The following DYNC2H1 variants were observed in gnomAD, a reference collection of about 807,000 sequenced individuals.
The protein encoded by DYNC2H1 is cytoplasmic dynein 2 heavy chain 1.
A neutral mutation model predicts 570.0 loss-of-function variants in DYNC2H1; 410 were observed. That is an observed-to-expected ratio of 0.72 (90% confidence interval 0.66 to 0.78). The LOEUF (loss-of-function observed/expected upper bound fraction) is 0.78, where lower values mean the gene tolerates loss of function less well. Among genes scored for constraint, DYNC2H1 ranks in the 30% least tolerant of loss-of-function variants. The pLI is 0.00. For missense variants in DYNC2H1, 4,865 were observed against 5,046.4 expected, an observed-to-expected ratio of 0.96 and a Z score of 1.09; for synonymous variants, 1,688 against 1,677.6, an observed-to-expected ratio of 1.01 and a Z score of -0.15.
chr11:103,213,173 G>A (rs539969745), intron 54 of DYNC2H1, among the ~76,000 whole-genome samples: 241 of 152,180 alleles, frequency 1.6e-3, no homozygotes, highest in Non-Finnish European at 2.6e-3. Context: ...CAAAATGCAG[G>A]TAAGGCAAGT....
Position 103,219,962 on chromosome 11 carries a change from AG to A in DYNC2H1, c.8881del (p.Ala2961GlnfsTer18). The A allele has an allele frequency of 1.3e-6, 2 of 1,513,640 alleles. No individual in the cohort carries two copies. Among genetic ancestry groups the A allele is most frequent in the African/African-American group, 2.9e-5 (2 of 68,602 alleles). 93.8% of individuals were successfully genotyped at this position (1,513,640 alleles called of 1,614,324 possible). A position where few individuals can be genotyped will look rare whatever the true frequency, so the allele number is the denominator to read the frequency against. On this transcript the variant is annotated frameshift_variant, in exon 56 of 89. Coordinates refer to ENST00000375735, the MANE Select transcript of DYNC2H1 (RefSeq NM_001377.3). LOFTEE classifies it high-confidence loss of function. The part of the protein sequence containing the change: ...TELERLKHRI[A>X]EEVVKIEERK... Reference sequence around the variant, plus strand: ...AACTTGAAAGACTGAAGCACAGAATAGCAGAAGAAGTTGTTAAAATTGAAGA... The same window carrying A: ...AACTTGAAAGACTGAAGCACAGAATACAGAAGAAGTTGTTAAAATTGAAGA...
rs573406507 is a variant in DYNC2H1 at position 103,399,828 on chromosome 11, A to G, written c.12322A>G (p.Ser4108Gly). 1.4e-5 allele frequency: 22 copies of G among 1,613,888 alleles called. No individual in the cohort carries two copies. The South Asian group carries it at 1.9e-4, about 14-fold the overall frequency. ...SKVIRGTTLL[S>G]SEVQKLASAL... The stretch of plus-strand genomic sequence containing the variant: ...AGTCATCAGAGGAACTACTTTACTG[A>G]GTTCAGAAGTACAAAAATTGGCAAG... The change falls in exon 84 of 89, where the codon AGT becomes GGT. Residue 4108 changes from serine (S) to glycine (G), a missense_variant. Ser to Gly is a moderately conservative substitution (Grantham distance 56). This residue lies in a region of DYNC2H1 where 2,401 missense variants were observed against 2,454.6 expected (regional missense o/e 0.98). Transcript: ENST00000375735.
chr11:103,121,523 G>A (rs1278926247), intron 10 of DYNC2H1, 27 bp downstream of exon 10: 1 of 1,601,318 alleles, frequency 6.2e-7, no homozygotes, highest in Non-Finnish European at 8.5e-7. Context: ...AAGATGAAGA[G>A]TACTAATTAT....
rs1368517131 is a variant in DYNC2H1 at position 103,211,830 on chromosome 11, T to A, written c.8581T>A (p.Ser2861Thr). Residue 2861 changes from serine (S) to threonine (T), a missense_variant, in exon 54 of 89, where the codon TCT (serine) becomes ACT (threonine). Around this residue, in one of 5 missense-constraint regions of DYNC2H1, gnomAD observed 2,401 missense variants for 2,454.6 expected, o/e 0.98. Transcript: ENST00000375735. ...AAAATCATTTTTATTAATCCATGAA[T>A]CTTGTAAAGCATATGGTGCTACACC... ...FLKSFLLIHE[S>T]CKAYGATPSR... The A allele has an allele frequency of 7.0e-7, 1 of 1,429,736 alleles. No individual in the cohort carries two copies. Among genetic ancestry groups the A allele is most frequent in the Non-Finnish European group, 9.2e-7 (1 of 1,087,584 alleles). 88.6% of individuals were successfully genotyped at this position (1,429,736 alleles called of 1,614,324 possible). A position where few individuals can be genotyped will look rare whatever the true frequency, so the allele number is the denominator to read the frequency against.
intron 59 of DYNC2H1, among the ~76,000 whole-genome samples, chr11:103,224,306 G>C (rs185615622): frequency 1.3e-5 from 2 of 151,970 alleles, no homozygotes; most frequent in Admixed American, 1.3e-4. Context: ...TTGGTTACAT[G>C]AATGAAATCT....
In DYNC2H1 at chr11:103,479,257, C is replaced by G. The variant is rs1330497401; in HGVS notation, c.*4C>G. 3.7e-6 allele frequency: 6 copies of G among 1,606,288 alleles called. No individual in the cohort carries two copies. Among genetic ancestry groups the G allele is most frequent in the Admixed American group, 3.4e-5 (2 of 59,266 alleles). On this transcript the variant is annotated 3_prime_UTR_variant, in exon 89 of 89. Transcript: ENST00000375735. Reference sequence around the variant, plus strand: ...TCTATTCCTAAAAAATCAGTAGAATCTAATGACAACAAAAGCCATCTTCAC... The same window carrying G: ...TCTATTCCTAAAAAATCAGTAGAATGTAATGACAACAAAAGCCATCTTCAC...
At chr11:103,392,499 C>T (rs1942202270) in intron 83 of DYNC2H1, among the ~76,000 whole-genome samples, 1 of 152,222 alleles carries the variant, frequency 6.6e-6, no homozygotes, top group Admixed American at 6.5e-5. Flanking sequence ...GCGCTGCACC[C>T]ACTGTCCGAC....
At position 103,109,479 on chromosome 11, in the gene DYNC2H1, G is replaced by T. The variant is rs548118181; in HGVS notation, c.-96G>T. The T allele has an allele frequency of 1.0e-5, 13 of 1,239,816 alleles. No homozygotes were observed. Among genetic ancestry groups the T allele is most frequent in the Middle Eastern group, 2.2e-4 (1 of 4,544 alleles). 76.8% of individuals were successfully genotyped at this position (1,239,816 alleles called of 1,614,324 possible). ...CTCTGCGGTCCCGCGGTCGGGCTAC[G>T]GGTTTGAGCAAAGCTCCTCTCTTCC... On this transcript the variant is annotated 5_prime_UTR_variant, in exon 1 of 89. Coordinates refer to ENST00000375735, the MANE Select transcript of DYNC2H1 (RefSeq NM_001377.3).
At chr11:103,235,454 A>G (rs1025920145) in intron 61 of DYNC2H1, among the ~76,000 whole-genome samples, 3 of 151,956 alleles carry the variant, frequency 2.0e-5, no homozygotes, top group African/African-American at 7.2e-5. Flanking sequence ...ATGACTAAAT[A>G]TGTTTGTTTC....
At chr11:103,467,687 G>C (rs188747607) in intron 87 of DYNC2H1, among the ~76,000 whole-genome samples, 1 of 152,014 alleles carries the variant, frequency 6.6e-6, no homozygotes, top group East Asian at 1.9e-4. Flanking sequence ...ACAGGTGCCC[G>C]CCACCACGCC....
rs1862708533 is a variant in DYNC2H1, at chr11:103,201,266, A to C, written c.8197+1112A>C. Among the ~76,000 whole-genome samples, 1 of 152,184 alleles carries C rather than the reference A, an allele frequency of 6.6e-6. No individual in the cohort carries two copies. The highest frequency in any genetic ancestry group is 1.5e-5 in the Non-Finnish European group (1 of 68,024). On this transcript the variant is annotated intron_variant, in intron 50 of 88. Coordinates refer to ENST00000375735, the MANE Select transcript of DYNC2H1 (RefSeq NM_001377.3). This position sits in a 1 kb window ranked among gnomAD's most constrained non-coding sequence, Gnocchi z 4.8. Reference sequence around the variant, plus strand: ...TAATACAAATACTCTCTAGAAATTTATGGCTAAGTGGGCTCTCTATGTATC... The same window carrying C: ...TAATACAAATACTCTCTAGAAATTTCTGGCTAAGTGGGCTCTCTATGTATC...
At position 103,129,635 on chromosome 11, in the gene DYNC2H1, G is replaced by C. The variant is rs530756258; in HGVS notation, c.1953+630G>C. ...GGAGGTGGAGGTTGCAGTGGGTCGA[G>C]ATCGTGCCACTGCACTCTAGCCTGG... On this transcript the variant is annotated intron_variant, in intron 13 of 88. Coordinates refer to ENST00000375735, the MANE Select transcript of DYNC2H1 (RefSeq NM_001377.3). This position sits in a 1 kb window ranked among gnomAD's most constrained non-coding sequence, Gnocchi z 4.1. Among the ~76,000 whole-genome samples, 32 of 151,904 alleles carry C rather than the reference G, an allele frequency of 2.1e-4. No individual in the cohort carries two copies. Among genetic ancestry groups the C allele is most frequent in the Admixed American group, 3.3e-4 (5 of 15,248 alleles).
intron 59 of DYNC2H1, among the ~76,000 whole-genome samples, chr11:103,227,595 G>A (rs921657772): frequency 2.0e-5 from 3 of 152,202 alleles, no homozygotes; most frequent in Admixed American, 6.5e-5. Context: ...TTGTTTTGTG[G>A]CCTGTCATAT....
Position 103,312,044 on chromosome 11 carries a change from A to T in DYNC2H1, c.11649+11A>T, listed in dbSNP as rs1291753411. ...AACTATATTCCTCAGGTAAGTAAGA[A>T]CATGTCTTGAATACATTCTAAGCTT... On this transcript the variant is annotated intron_variant, in intron 79 of 88. Coordinates refer to ENST00000375735, the MANE Select transcript of DYNC2H1 (RefSeq NM_001377.3). 1 of 1,602,216 alleles carries T rather than the reference A, an allele frequency of 6.2e-7. No individual in the cohort carries two copies. The highest frequency in any genetic ancestry group is 8.5e-7 in the Non-Finnish European group (1 of 1,176,788).
intron 60 of DYNC2H1, among the ~76,000 whole-genome samples, chr11:103,233,159 T>A (rs917543123): frequency 2.6e-5 from 4 of 151,990 alleles, no homozygotes; most frequent in African/African-American, 9.7e-5. Flanking sequence ...CAGTCACATC[T>A]GTATATGAAT....
At chr11:103,161,800 A>T (rs1383775139) in intron 29 of DYNC2H1, among the ~76,000 whole-genome samples, 2 of 152,178 alleles carry the variant, frequency 1.3e-5, no homozygotes, top group African/African-American at 4.8e-5. Flanking sequence ...CTGGAAGTAA[A>T]CTGATCAAAG....
chr11:103,328,935 T>C (rs1938632282), intron 82 of DYNC2H1, among the ~76,000 whole-genome samples: 1 of 152,152 alleles, frequency 6.6e-6, no homozygotes, highest in African/African-American at 2.4e-5. Context: ...AGAGATAAAT[T>C]TGATATGTTA....
chr11:103,340,412 ATATTT>A (rs963016745), intron 82 of DYNC2H1, among the ~76,000 whole-genome samples: 4 of 7,582 alleles, frequency 5.3e-4, no homozygotes, highest in African/African-American at 5.7e-4. Context: ...ATTAAAATCA[ATATTT>A]TAGTTACGTC....
At position 103,177,716 on chromosome 11, in the gene DYNC2H1, C is replaced by T. The variant is rs1215030552; in HGVS notation, c.6035C>T (p.Ala2012Val). ...AAACAATATACTATGAATCCCAAAG[C>T]TATGCCTCGATATCAATTATTAGGC... is the stretch of plus-strand genomic sequence containing the variant. ...VVKQYTMNPKAMPRYQLLGHI... is the reference protein window; with the variant it reads ...VVKQYTMNPKVMPRYQLLGHI... Residue 2012 changes from alanine (A) to valine (V), a missense_variant, in exon 38 of 89, where the codon GCT becomes GTT. By Grantham distance (64) the Ala-to-Val change is moderately conservative. Around this residue, in one of 5 missense-constraint regions of DYNC2H1, gnomAD observed 231 missense variants for 310.3 expected, o/e 0.74. Coordinates refer to ENST00000375735, the MANE Select transcript of DYNC2H1 (RefSeq NM_001377.3). The surrounding 1 kb of genome is among the most constrained non-coding windows in gnomAD (Gnocchi z 4.4). The T allele has an allele frequency of 1.9e-6, 3 of 1,613,488 alleles. No homozygotes were observed. Among genetic ancestry groups the T allele is most frequent in the Non-Finnish European group, 2.5e-6 (3 of 1,179,688 alleles).
Sources: allele counts gnomAD v4.1 joint callset (sites outside exome capture counted in the v4.1 genomes callset), GRCh38; gene constraint gnomAD v4.1.1; regional missense constraint gnomAD v4.1.1; non-coding constraint Gnocchi (gnomAD v3.1); transcripts MANE v1.5; gene names NCBI Gene and HGNC (gene_info 2026-07-23, HGNC 2026-07-21).